The following USP15 variants were observed in gnomAD, a reference collection of about 807,000 sequenced individuals.
The protein encoded by USP15 is ubiquitin specific peptidase 15, also known as ubiquitin carboxyl-terminal hydrolase 15.
A neutral mutation model predicts 127.1 loss-of-function variants in USP15; 18 were observed. That is an observed-to-expected ratio of 0.14 (90% CI 0.10 to 0.21). USP15 has a LOEUF of 0.21. USP15 is among the 10% of genes least tolerant of loss of function. The probability of loss-of-function intolerance (pLI) is 1.00; values close to 1 mark genes in which losing one functional copy is unlikely to be tolerated. For synonymous variants in USP15, 364 were observed against 393.7 expected (o/e 0.92, Z 0.89); for missense variants, 805 against 1,159.9 (o/e 0.69, Z 4.44).
intron 2 of USP15, among the ~76,000 whole-genome samples, chr12:62,299,529 A>T (rs866525649): frequency 6.6e-6 from 1 of 152,206 alleles, no homozygotes; most frequent in Admixed American, 6.5e-5. Context: ...AATGATTTCT[A>T]CTGAATGGTG....
Position 62,381,799 on chromosome 12 carries a change from T to A in USP15, c.1089+136T>A, listed in dbSNP as rs140199372. On this transcript the variant is annotated intron_variant, in intron 9 of 21. Transcript: ENST00000280377. ...CAAAGGAACACAGTACATAAATAGA[T>A]ATACAGTACATCTGTGATATAAAAT... 5.7e-3 allele frequency: 3,967 copies of A among 692,190 alleles called. 13 individuals carry two copies. The highest frequency in any genetic ancestry group is 7.7e-3 in the Admixed American group (241 of 31,314). 42.9% of individuals were successfully genotyped at this position (692,190 alleles called of 1,614,324 possible).
chr12:62,375,346 A>T (rs2137541461), intron 8 of USP15, among the ~76,000 whole-genome samples: 1 of 152,282 alleles, frequency 6.6e-6, no homozygotes, highest in African/African-American at 2.4e-5. Context: ...GAATTATAAC[A>T]GAGTGCAATT....
chr12:62,270,689 T>G (rs952188642), intron 1 of USP15, among the ~76,000 whole-genome samples: 7 of 152,110 alleles, frequency 4.6e-5, no homozygotes, highest in African/African-American at 1.7e-4. Context: ...TGAGGGTTTA[T>G]TTCTAGATTC....
intron 2 of USP15, among the ~76,000 whole-genome samples, chr12:62,297,904 CAT>C (rs1292283156): frequency 6.6e-6 from 1 of 152,080 alleles, no homozygotes. Flanking sequence ...TACACGAAAA[CAT>C]AGACAACTTA....
At chr12:62,364,035 A>G (rs1036859862) in intron 8 of USP15, among the ~76,000 whole-genome samples, 3 of 152,150 alleles carry the variant, frequency 2.0e-5, no homozygotes, top group African/African-American at 4.8e-5. Context: ...ATATTCTAGT[A>G]TGGAATGTAG....
At chr12:62,373,718 G>A (rs1201310617) in intron 8 of USP15, among the ~76,000 whole-genome samples, 2 of 151,396 alleles carry the variant, frequency 1.3e-5, no homozygotes, top group Non-Finnish European at 3.0e-5. Flanking sequence ...TTTTTTTAAA[G>A]TTGAAGAAAA....
intron 1 of USP15, among the ~76,000 whole-genome samples, 155 bp downstream of exon 1, chr12:62,260,658 G>A (rs918367795): frequency 4.6e-5 from 7 of 152,108 alleles, no homozygotes; most frequent in African/African-American, 1.4e-4. Context: ...AAATGTTGGG[G>A]CAAAGGTTGG....
intron 6 of USP15, among the ~76,000 whole-genome samples, chr12:62,340,418 G>C (rs1330235853): frequency 1.3e-5 from 2 of 151,652 alleles, no homozygotes; most frequent in Non-Finnish European, 1.5e-5. Flanking sequence ...GTTGTTTCTT[G>C]TCTTCTGCTA....
chr12:62,299,958 T>C (rs543907036), intron 2 of USP15, among the ~76,000 whole-genome samples: 1 of 152,298 alleles, frequency 6.6e-6, no homozygotes, highest in East Asian at 1.9e-4. Flanking sequence ...ATATCTTTTT[T>C]AGTGAAATAC....
chr12:62,410,980 T>A lies in USP15; in HGVS notation c.*6605T>A, dbSNP rs2068026548. On this transcript the variant is annotated 3_prime_UTR_variant, in exon 22 of 22. Coordinates refer to ENST00000280377, the MANE Select transcript of USP15 (RefSeq NM_001252078.2). The stretch of plus-strand genomic sequence containing the variant: ...AATCCAATTATATGAGACTGCATCC[T>A]CAACAGGCACCTTGGTTGCAACACC... The A allele has an allele frequency of 6.6e-6, 1 of 152,110 alleles. No individual in the cohort carries two copies. Among genetic ancestry groups the A allele is most frequent in the Non-Finnish European group, 1.5e-5 (1 of 68,014 alleles). 9.4% of individuals were successfully genotyped at this position (152,110 alleles called of 1,614,324 possible).
chr12:62,263,408 G>A (rs1592439257), intron 1 of USP15, among the ~76,000 whole-genome samples: 1 of 152,190 alleles, frequency 6.6e-6, no homozygotes, highest in East Asian at 1.9e-4. Context: ...GCACTTTGCA[G>A]ATAATGACTG....
intron 6 of USP15, among the ~76,000 whole-genome samples, chr12:62,346,900 A>G (rs966461967): frequency 3.9e-5 from 6 of 152,138 alleles, no homozygotes; most frequent in African/African-American, 1.4e-4. Flanking sequence ...TGATTTCTAC[A>G]TGCTATTCTT....
chr12:62,318,561 C>T (rs546682508), intron 4 of USP15, among the ~76,000 whole-genome samples: 1 of 152,222 alleles, frequency 6.6e-6, no homozygotes, highest in East Asian at 1.9e-4. Context: ...CATATTCTCC[C>T]AGCCCTCCTT....
intron 6 of USP15, among the ~76,000 whole-genome samples, chr12:62,326,410 T>C (rs1210889602): frequency 8.6e-6 from 1 of 116,708 alleles, no homozygotes; most frequent in African/African-American, 3.2e-5. Flanking sequence ...TCTTTTTATC[T>C]GTTTTAGAAC....
At chr12:62,314,725 T>C in intron 3 of USP15, 65 bp from the exon 4 acceptor site, 1 of 1,342,586 alleles carries the variant, frequency 7.4e-7, no homozygotes, top group Non-Finnish European at 9.7e-7. Flanking sequence ...TCTTTAAATG[T>C]ATTGTTATTA....
chr12:62,384,181 G>A lies in USP15; in HGVS notation c.1352G>A (p.Cys451Tyr). The change falls in exon 11 of 22, where the codon TGT (cysteine) becomes TAT (tyrosine). Residue 451 changes from cysteine (C) to tyrosine (Y), a missense_variant. Transcript: ENST00000280377. ...LFKSTLVCPE[C>Y]AKISVTFDPF... ...AAATCAACTTTAGTTTGTCCTGAGT[G>A]TGCTAAGATTTCAGTAACATTTGAT... 6.2e-7 allele frequency: 1 copy of A among 1,612,960 alleles called. No homozygotes were observed. The highest frequency in any genetic ancestry group is 1.1e-5 in the South Asian group (1 of 91,050).
chr12:62,332,533 G>T lies in USP15; in HGVS notation c.683+6600G>T, dbSNP rs924196338. Among the ~76,000 whole-genome samples, 3 of 151,610 alleles carry T rather than the reference G, an allele frequency of 2.0e-5. No homozygotes were observed. The South Asian group carries it at 6.3e-4, about 32-fold the overall frequency. Reference sequence around the variant, plus strand: ...AGTGGAGTCATTATAGAAACCTGGGGGTTCCTAAAGAGAAAATTTGATTTA... The same window carrying T: ...AGTGGAGTCATTATAGAAACCTGGGTGTTCCTAAAGAGAAAATTTGATTTA... On this transcript the variant is annotated intron_variant, in intron 6 of 21. Coordinates refer to ENST00000280377, the MANE Select transcript of USP15 (RefSeq NM_001252078.2).
chr12:62,294,119 C>T (rs2137154440), intron 1 of USP15, 60 bp from the exon 2 acceptor site: 1 of 1,541,180 alleles, frequency 6.5e-7, no homozygotes, highest in South Asian at 1.2e-5. Context: ...AAATAGATGG[C>T]TGTTCTACTG....
At chr12:62,394,095 A>G (rs1279353198) in intron 19 of USP15, among the ~76,000 whole-genome samples, 4 of 152,218 alleles carry the variant, frequency 2.6e-5, no homozygotes, top group Non-Finnish European at 5.9e-5. Flanking sequence ...AGAAGTCTGT[A>G]TACATCTTCA....
Sources: allele counts gnomAD v4.1 joint callset (sites outside exome capture counted in the v4.1 genomes callset), GRCh38; gene constraint gnomAD v4.1.1; transcripts MANE v1.5; gene names NCBI Gene and HGNC (gene_info 2026-07-23, HGNC 2026-07-21).